STXBP5L: variants seen among roughly 807,000 people sequenced by gnomAD.
STXBP5L encodes syntaxin binding protein 5L.
A neutral mutation model predicts 144.5 loss-of-function variants in STXBP5L; 65 were observed. The ratio of observed to expected loss-of-function variants is 0.45; its 90% CI spans 0.37 to 0.55. The LOEUF is 0.55. Among genes scored for constraint, STXBP5L ranks in the 20% least tolerant of loss-of-function variants. STXBP5L has a pLI of 0.00. For missense variants in STXBP5L, 1,298 were observed against 1,405.5 expected, an observed-to-expected ratio of 0.92 and a Z score of 1.22; for synonymous variants, 505 against 469.6, an observed-to-expected ratio of 1.08 and a Z score of -0.97.
chr3:121,271,141 G>A (rs1260376043), intron 18 of STXBP5L, among the ~76,000 whole-genome samples: 1 of 152,126 alleles, frequency 6.6e-6, no homozygotes, highest in East Asian at 1.9e-4. Flanking sequence ...ATATTTATAA[G>A]TTAGATTCTA....
At chr3:121,380,184 C>T (rs941520845) in intron 21 of STXBP5L, among the ~76,000 whole-genome samples, 3 of 152,080 alleles carry the variant, frequency 2.0e-5, no homozygotes, top group African/African-American at 7.2e-5. Flanking sequence ...TCTAATTTGT[C>T]CTGGATTCTG....
intron 2 of STXBP5L, among the ~76,000 whole-genome samples, chr3:120,944,958 T>G (rs976371615): frequency 3.3e-5 from 5 of 151,886 alleles, no homozygotes; most frequent in African/African-American, 1.2e-4. Context: ...TTGGCTGTTA[T>G]TGAAAACAAG....
Position 121,419,747 on chromosome 3 carries a change from TCA to T in STXBP5L, c.*653_*654del, listed in dbSNP as rs2047318753. 6.6e-6 allele frequency: 1 copy of T among 152,240 alleles called. No individual in the cohort carries two copies. The highest frequency in any genetic ancestry group is 2.4e-5 in the African/African-American group (1 of 41,472). 9.4% of individuals were successfully genotyped at this position (152,240 alleles called of 1,614,324 possible). ...GTTCTCTCTCCATGTTTTACATCAT[TCA>T]CAGTTGTGTCAAAATCAAATATTGC... On this transcript the variant is annotated 3_prime_UTR_variant, in exon 27 of 27. Transcript: ENST00000471454.
chr3:121,096,075 C>T (rs963162413), intron 5 of STXBP5L, among the ~76,000 whole-genome samples: 5 of 151,918 alleles, frequency 3.3e-5, no homozygotes, highest in South Asian at 2.1e-4. Context: ...CACCTTGCTT[C>T]GGCTCTTGCT....
At chr3:121,354,119 A>G (rs1203762607) in intron 20 of STXBP5L, among the ~76,000 whole-genome samples, 1 of 152,138 alleles carries the variant, frequency 6.6e-6, no homozygotes, top group Non-Finnish European at 1.5e-5. Flanking sequence ...TCAATTTTAG[A>G]ATAAGTGCAA....
chr3:121,054,135 G>T (rs547340104), intron 5 of STXBP5L, among the ~76,000 whole-genome samples: 116 of 152,154 alleles, frequency 7.6e-4, no homozygotes, highest in African/African-American at 1.8e-3. Context: ...ACTTTTACAC[G>T]GTTGGTGGGA....
chr3:121,054,140 G>T (rs1010635423), intron 5 of STXBP5L, among the ~76,000 whole-genome samples: 4 of 152,190 alleles, frequency 2.6e-5, no homozygotes, highest in Non-Finnish European at 4.4e-5. Flanking sequence ...TACACGGTTG[G>T]TGGGACTGTA....
chr3:121,261,500 G>T (rs148129590), intron 18 of STXBP5L, among the ~76,000 whole-genome samples: 151 of 152,236 alleles, frequency 9.9e-4, no homozygotes, highest in Non-Finnish European at 1.6e-3. Flanking sequence ...TATCATTTAT[G>T]AACATGGATT....
chr3:121,060,764 G>T (rs557651436), intron 5 of STXBP5L, among the ~76,000 whole-genome samples: 1 of 152,114 alleles, frequency 6.6e-6, no homozygotes, highest in Non-Finnish European at 1.5e-5. Flanking sequence ...TTCCATAGAG[G>T]TGTTTATAGT....
At chr3:121,377,022 G>A (rs533839002) in intron 20 of STXBP5L, among the ~76,000 whole-genome samples, 1 of 152,112 alleles carries the variant, frequency 6.6e-6, no homozygotes, top group African/African-American at 2.4e-5. Context: ...TGATTTGGCT[G>A]TCTGTTTGTC....
intron 8 of STXBP5L, 45 bp downstream of exon 8, chr3:121,152,605 A>AT (rs764860494): frequency 7.1e-7 from 1 of 1,406,972 alleles, no homozygotes; most frequent in Non-Finnish European, 9.9e-7. Flanking sequence ...TTGTGACGTT[A>AT]TGCCTGTTTA....
chr3:121,119,581 T>C (rs2044371019), intron 6 of STXBP5L, among the ~76,000 whole-genome samples: 1 of 151,388 alleles, frequency 6.6e-6, no homozygotes, highest in African/African-American at 2.4e-5. Context: ...AAATAATTCA[T>C]TGATAATTCT....
Position 121,264,304 on chromosome 3 carries a change from G to A in STXBP5L, c.1958+5136G>A, listed in dbSNP as rs114287503. On this transcript the variant is annotated intron_variant, in intron 18 of 26. Coordinates refer to ENST00000471454, the MANE Select transcript of STXBP5L (RefSeq NM_001308330.2). ...CCAGGCCTGCCTTACAAGAGCTCCT[G>A]AGGAAAGCTGAGGCAGATTCTTCTC... 2.8e-3 allele frequency among the ~76,000 whole-genome samples: 422 copies of A among 152,282 alleles called. 5 individuals carry two copies. The highest frequency in any genetic ancestry group is 9.7e-3 in the African/African-American group (405 of 41,566).
At chr3:121,372,583 A>G (rs1422228457) in intron 20 of STXBP5L, among the ~76,000 whole-genome samples, 1 of 152,136 alleles carries the variant, frequency 6.6e-6, no homozygotes, top group East Asian at 1.9e-4. Flanking sequence ...TGCAGGAGTC[A>G]TTGGGGTCAG....
At chr3:121,255,259 T>A in intron 16 of STXBP5L, 147 bp downstream of exon 16, 1 of 550,038 alleles carries the variant, frequency 1.8e-6, no homozygotes, top group Non-Finnish European at 3.0e-6. Context: ...TTATTATTGT[T>A]ACTTACTATA....
intron 7 of STXBP5L, among the ~76,000 whole-genome samples, chr3:121,127,190 A>G (rs1283343846): frequency 6.7e-6 from 1 of 148,522 alleles, no homozygotes; most frequent in East Asian, 1.9e-4. Flanking sequence ...TGTGCTAAAA[A>G]TAGGCCCAGG....
chr3:121,177,051 A>G (rs1023829037), intron 9 of STXBP5L, among the ~76,000 whole-genome samples: 3 of 151,486 alleles, frequency 2.0e-5, no homozygotes, highest in African/African-American at 4.9e-5. Flanking sequence ...GACAAAGGGG[A>G]AAAAAATCTG....
At chr3:120,963,017 A>G (rs1443931953) in intron 3 of STXBP5L, among the ~76,000 whole-genome samples, 1 of 151,990 alleles carries the variant, frequency 6.6e-6, no homozygotes, top group Non-Finnish European at 1.5e-5. Flanking sequence ...ATTCCTAGGT[A>G]TTTTATTCTC....
intron 3 of STXBP5L, among the ~76,000 whole-genome samples, chr3:120,966,816 TCA>T (rs769764001): frequency 1.3e-5 from 2 of 152,090 alleles, no homozygotes; most frequent in Non-Finnish European, 2.9e-5. Context: ...GCTGGGAGAA[TCA>T]CTGCTCTCTT....
Sources: allele counts gnomAD v4.1 joint callset (sites outside exome capture counted in the v4.1 genomes callset), GRCh38; gene constraint gnomAD v4.1.1; transcripts MANE v1.5; gene names NCBI Gene and HGNC (gene_info 2026-07-23, HGNC 2026-07-21).